The following ARFGEF2 variants were observed in gnomAD, a reference collection of about 807,000 sequenced individuals.
ARFGEF2 encodes ARF guanine nucleotide exchange factor 2.
ARFGEF2 carries 74 observed loss-of-function variants against 219.9 expected under a neutral mutation model. That is an observed-to-expected ratio of 0.34 (90% CI 0.28 to 0.41). The LOEUF (loss-of-function observed/expected upper bound fraction) is 0.41, where lower values mean the gene tolerates loss of function less well. Among genes scored for constraint, ARFGEF2 ranks in the 10% least tolerant of loss-of-function variants. ARFGEF2 has a pLI of 1.00. For missense variants in ARFGEF2, 1,743 were observed against 2,218.3 expected (o/e 0.79, Z 4.30); for synonymous variants, 733 against 799.2 (o/e 0.92, Z 1.40).
In ARFGEF2 at chr20:48,953,638, A is replaced by G; in HGVS notation, c.686A>G (p.Lys229Arg). 1.9e-6 allele frequency: 3 copies of G among 1,614,196 alleles called. No individual in the cohort carries two copies. In the South Asian group the frequency reaches 3.3e-5, roughly 18 times the overall value. ...PVIQAAAVSP[K>R]FVRLKHSQAQ... ...ATCCAAGCTGCAGCAGTATCCCCAA[A>G]GTTCGTTCGTTTGAAGCACAGTCAG... Residue 229 changes from lysine (K) to arginine (R), a missense_variant, in exon 6 of 39, where the codon AAG becomes AGG. By Grantham distance (26) the Lys-to-Arg change is conservative. Coordinates refer to ENST00000371917, the MANE Select transcript of ARFGEF2 (RefSeq NM_006420.3).
chr20:49,005,982 C>T (rs192437901), intron 26 of ARFGEF2, among the ~76,000 whole-genome samples: 1 of 152,056 alleles, frequency 6.6e-6, no homozygotes, highest in African/African-American at 2.4e-5. Context: ...CTGCTAGGTA[C>T]TATAAAGAAG....
intron 13 of ARFGEF2, 68 bp downstream of exon 13, chr20:48,974,942 G>A: frequency 2.3e-6 from 3 of 1,314,420 alleles, no homozygotes; most frequent in Non-Finnish European, 3.3e-6. Context: ...AGGAACAGTT[G>A]TCTTAGTATA....
chr20:49,009,371 G>A (rs1212427147), intron 26 of ARFGEF2, among the ~76,000 whole-genome samples: 4 of 151,888 alleles, frequency 2.6e-5, no homozygotes, highest in Admixed American at 2.6e-4. Context: ...AAAGTCATGA[G>A]CCTGGGAGGC....
chr20:48,938,872 A>G (rs1256885389), intron 1 of ARFGEF2, among the ~76,000 whole-genome samples: 1 of 151,444 alleles, frequency 6.6e-6, no homozygotes, highest in African/African-American at 2.4e-5. Flanking sequence ...TCATTCTTTG[A>G]TCTTACACCC....
At chr20:48,989,242 C>T in intron 18 of ARFGEF2, 43 bp from the exon 19 acceptor site, 1 of 1,611,384 alleles carries the variant, frequency 6.2e-7, no homozygotes, top group Non-Finnish European at 8.5e-7. Flanking sequence ...GTAGCCAGCC[C>T]TCAGTGACTG....
rs750749799 is a variant in ARFGEF2 at position 48,976,146 on chromosome 20, G to A, written c.1905G>A (p.Glu635=). ...GTQTTVQDDP[E]QFEVIKQQKE... ...AGACAACTGTTCAGGATGACCCTGA[G>A]CAATTTGAGGTCATCAAGCAACAAA... The change falls in exon 14 of 39, where the codon GAG becomes GAA. Residue 635 remains glutamate (E), a synonymous_variant. Coordinates refer to ENST00000371917, the MANE Select transcript of ARFGEF2 (RefSeq NM_006420.3). 5.0e-6 allele frequency: 8 copies of A among 1,614,026 alleles called. No homozygotes were observed. In the Admixed American group the frequency reaches 1.3e-4, roughly 27 times the overall value.
At chr20:49,009,563 G>A (rs2091483263) in intron 26 of ARFGEF2, among the ~76,000 whole-genome samples, 1 of 152,050 alleles carries the variant, frequency 6.6e-6, no homozygotes, top group African/African-American at 2.4e-5. Context: ...CTTGCTATTT[G>A]TGAGATAATA....
intron 24 of ARFGEF2, 45 bp from the exon 25 acceptor site, chr20:48,998,291 T>C: frequency 6.2e-7 from 1 of 1,614,230 alleles, no homozygotes; most frequent in African/African-American, 1.3e-5. Flanking sequence ...ACCGTCTGAC[T>C]GTTCCTAACG....
At chr20:48,984,951 C>A (rs1251744638) in intron 15 of ARFGEF2, 111 bp downstream of exon 15, 1 of 1,564,954 alleles carries the variant, frequency 6.4e-7, no homozygotes, top group Non-Finnish European at 8.7e-7. Flanking sequence ...CTGTTGTCCA[C>A]CCCCGGGTTA....
Position 48,941,229 on chromosome 20 carries a change from G to T in ARFGEF2, c.152G>T (p.Arg51Met). ...ATTAAAGCAGAAATAGAAAAGCAGA[G>T]GTAAGCTATAGCACTACCTCCTTGC... is the stretch of plus-strand genomic sequence containing the variant. ...DEIKAEIEKQ[R>M]LGTAAPPKAN... is the part of the protein sequence containing the mutation. Residue 51 changes from arginine (R) to methionine (M), a missense_variant and splice_region_variant, in exon 2 of 39, where the codon AGG (arginine) becomes ATG (methionine). By Grantham distance (91) the Arg-to-Met change is moderately conservative (BLOSUM62 -1). Around this residue, in one of 5 missense-constraint regions of ARFGEF2, gnomAD observed 394 missense variants for 426.6 expected, o/e 0.92. Transcript: ENST00000371917. 6.2e-7 allele frequency: 1 copy of T among 1,613,392 alleles called. No homozygotes were observed. Among genetic ancestry groups the T allele is most frequent in the Non-Finnish European group, 8.5e-7 (1 of 1,179,616 alleles).
chr20:48,971,259 G>A lies in ARFGEF2; in HGVS notation c.1330G>A (p.Gly444Ser), dbSNP rs753867046. 1.2e-6 allele frequency: 2 copies of A among 1,614,050 alleles called. No individual in the cohort carries two copies. Among genetic ancestry groups the A allele is most frequent in the Non-Finnish European group, 1.7e-6 (2 of 1,180,016 alleles). The change falls in exon 10 of 39, where the codon GGC (glycine) becomes AGC (serine). Residue 444 changes from glycine (G) to serine (S), a missense_variant. Transcript: ENST00000371917. ...TCTCTGTGTGGCCTTGTCCAAAAAC[G>A]GCGTCTCTTCAGTGCCTGATGTCTT... Reference protein sequence around the residue: ...QYLCVALSKNGVSSVPDVFEL... With the variant: ...QYLCVALSKNSVSSVPDVFEL...
chr20:48,939,587 C>T (rs1383875006), intron 1 of ARFGEF2, among the ~76,000 whole-genome samples: 1 of 152,186 alleles, frequency 6.6e-6, no homozygotes, highest in African/African-American at 2.4e-5. Context: ...GGAGCATTTC[C>T]TTGGTGAATT....
chr20:48,980,625 T>C (rs1568719045), intron 14 of ARFGEF2, among the ~76,000 whole-genome samples: 2 of 152,170 alleles, frequency 1.3e-5, no homozygotes, highest in Admixed American at 1.3e-4. Context: ...CTAAGTCTCT[T>C]TGTAGGTCTC....
rs542819649 is a variant in ARFGEF2 at position 49,012,078 on chromosome 20, G to C, written c.3912G>C (p.Arg1304Ser). 1.2e-6 allele frequency: 2 copies of C among 1,614,110 alleles called. No individual in the cohort carries two copies. Among genetic ancestry groups the C allele is most frequent in the African/African-American group, 2.7e-5 (2 of 74,952 alleles). ...IRFCGKYVSERPRVLQEYTSD... is the reference protein window; with the variant it reads ...IRFCGKYVSESPRVLQEYTSD... ...TCTGTGGCAAATACGTCTCTGAGAGGCCTCGGGTTCGTTTTTCCCCACCTT... is the reference window on the plus strand; with the variant it reads ...TCTGTGGCAAATACGTCTCTGAGAGCCCTCGGGTTCGTTTTTCCCCACCTT... The change falls in exon 28 of 39, where the codon AGG becomes AGC. Residue 1304 changes from arginine to serine, a missense_variant. Arg to Ser is a moderately radical substitution (Grantham distance 110). This residue lies in a region of ARFGEF2 where 578 missense variants were observed against 664.0 expected (regional missense o/e 0.87). Transcript: ENST00000371917.
At chr20:48,940,545 C>T (rs1033277695) in intron 1 of ARFGEF2, among the ~76,000 whole-genome samples, 2 of 152,198 alleles carry the variant, frequency 1.3e-5, no homozygotes, top group Non-Finnish European at 2.9e-5. Flanking sequence ...ATTGTGTCAG[C>T]TAACTGTCAT....
chr20:48,992,641 T>G (rs2091363447), intron 21 of ARFGEF2, among the ~76,000 whole-genome samples: 2 of 152,224 alleles, frequency 1.3e-5, no homozygotes, highest in Admixed American at 1.3e-4. Flanking sequence ...TGGCAAGTAA[T>G]AAGAACTCAA....
chr20:49,005,946 G>A (rs916426069), intron 26 of ARFGEF2, among the ~76,000 whole-genome samples: 20 of 151,824 alleles, frequency 1.3e-4, no homozygotes, highest in Non-Finnish European at 2.9e-5. Flanking sequence ...TTATTCACTC[G>A]GCCTGGACTT....
intron 36 of ARFGEF2, 144 bp from the exon 37 acceptor site, chr20:49,028,386 C>G: frequency 1.1e-6 from 1 of 908,382 alleles, no homozygotes; most frequent in Non-Finnish European, 1.7e-6. Flanking sequence ...TGCCACTGCA[C>G]TCCAGCTTAG....
At chr20:49,029,199 C>T (rs1259053272) in intron 37 of ARFGEF2, among the ~76,000 whole-genome samples, 2 of 152,234 alleles carry the variant, frequency 1.3e-5, no homozygotes, top group Non-Finnish European at 2.9e-5. Context: ...GTCTTTGTCA[C>T]TCAGCTTCCT....
Sources: allele counts gnomAD v4.1 joint callset (sites outside exome capture counted in the v4.1 genomes callset), GRCh38; gene constraint gnomAD v4.1.1; regional missense constraint gnomAD v4.1.1; transcripts MANE v1.5; gene names NCBI Gene and HGNC (gene_info 2026-07-23, HGNC 2026-07-21).